The following FCHSD2 variants were observed in gnomAD, a reference collection of about 807,000 sequenced individuals.
The protein encoded by FCHSD2 is F-BAR and double SH3 domains protein 2.
In FCHSD2, 38 loss-of-function variants were observed where a neutral mutation model predicts 108.1. That is an observed-to-expected ratio of 0.35 (90% CI 0.27 to 0.46). The LOEUF (loss-of-function observed/expected upper bound fraction) is 0.46, where lower values mean the gene tolerates loss of function less well. Ranked by LOEUF, FCHSD2 falls within the 20% of genes least tolerant of loss-of-function variation. The pLI is 1.00. For synonymous variants in FCHSD2, 279 were observed against 314.7 expected (o/e 0.89, Z 1.20); for missense variants, 751 against 897.8 (o/e 0.84, Z 2.09).
chr11:72,873,584 A>G (rs1285740108), intron 12 of FCHSD2, among the ~76,000 whole-genome samples: 1 of 151,994 alleles, frequency 6.6e-6, no homozygotes, highest in Non-Finnish European at 1.5e-5. Context: ...TTAAATTTTG[A>G]TGATGTCTAA....
intron 13 of FCHSD2, among the ~76,000 whole-genome samples, chr11:72,850,479 G>T (rs533398139): frequency 6.6e-6 from 1 of 151,428 alleles, no homozygotes; most frequent in East Asian, 2.0e-4. Context: ...TCAGCCTCCC[G>T]AGTAGCTGGG....
chr11:73,071,904 A>AAT (rs1859446418), intron 3 of FCHSD2, among the ~76,000 whole-genome samples: 1 of 152,150 alleles, frequency 6.6e-6, no homozygotes, highest in African/African-American at 2.4e-5. Flanking sequence ...ACATGATCTT[A>AAT]ATATATGTTC....
intron 3 of FCHSD2, among the ~76,000 whole-genome samples, chr11:73,028,840 G>A (rs141734054): frequency 2.6e-5 from 4 of 152,174 alleles, no homozygotes; most frequent in East Asian, 3.9e-4. Flanking sequence ...TTCCCCTTTC[G>A]TTCTCTCCGT....
chr11:73,140,205 T>A, intron 1 of FCHSD2, 77 bp from the exon 2 acceptor site: 2 of 701,530 alleles, frequency 2.9e-6, no homozygotes, highest in Non-Finnish European at 4.8e-6. Flanking sequence ...AATACATCTG[T>A]CAGAATATGT....
At chr11:73,038,787 C>T (rs1303460344) in intron 3 of FCHSD2, among the ~76,000 whole-genome samples, 1 of 152,106 alleles carries the variant, frequency 6.6e-6, no homozygotes, top group Non-Finnish European at 1.5e-5. Context: ...CAAACCTCGG[C>T]ATCATGCAAT....
Position 73,068,123 on chromosome 11 carries a change from C to A in FCHSD2, c.165+15572G>T, listed in dbSNP as rs531376554. ...CAGTTAACTCCCACCAGGTCCCTCGCACAACACATGGGAATTATGGGAACT... is the reference window on the plus strand; with the variant it reads ...CAGTTAACTCCCACCAGGTCCCTCGAACAACACATGGGAATTATGGGAACT... On this transcript the variant is annotated intron_variant, in intron 3 of 19. Transcript: ENST00000409418. 3.3e-5 allele frequency among the ~76,000 whole-genome samples: 5 copies of A among 152,150 alleles called. 1 individual carries two copies. Among genetic ancestry groups the A allele is most frequent in the African/African-American group, 1.2e-4 (5 of 41,490 alleles).
intron 3 of FCHSD2, among the ~76,000 whole-genome samples, chr11:73,073,048 T>C (rs1176486950): frequency 2.0e-5 from 3 of 152,234 alleles, no homozygotes; most frequent in African/African-American, 7.2e-5. Context: ...AGTAACCTTC[T>C]GTATCCTTCC....
intron 3 of FCHSD2, among the ~76,000 whole-genome samples, chr11:73,080,866 C>A (rs946733393): frequency 4.6e-5 from 7 of 152,002 alleles, no homozygotes; most frequent in African/African-American, 1.5e-4. Flanking sequence ...ATCACTTGAA[C>A]CCAGGAGGCG....
At chr11:73,000,231 T>C (rs1857600197) in intron 5 of FCHSD2, among the ~76,000 whole-genome samples, 1 of 152,210 alleles carries the variant, frequency 6.6e-6, no homozygotes, top group South Asian at 2.1e-4. Flanking sequence ...TAAAATATTA[T>C]TTCCCGAAAT....
intron 8 of FCHSD2, among the ~76,000 whole-genome samples, chr11:72,978,615 T>C (rs1411741561): frequency 2.6e-5 from 4 of 152,162 alleles, no homozygotes; most frequent in African/African-American, 4.8e-5. Context: ...GACTGGATTA[T>C]AGGAGCGATT....
intron 3 of FCHSD2, among the ~76,000 whole-genome samples, chr11:73,075,448 A>T (rs571536265): frequency 2.0e-5 from 3 of 152,376 alleles, no homozygotes; most frequent in East Asian, 3.9e-4. Flanking sequence ...TTGCTAGGAC[A>T]TTACTAGAAC....
intron 8 of FCHSD2, among the ~76,000 whole-genome samples, chr11:72,979,315 CA>C (rs1374654532): frequency 6.6e-6 from 1 of 151,986 alleles, no homozygotes; most frequent in East Asian, 1.9e-4. Context: ...AGAAGTCTCC[CA>C]AAAAGTACAA....
intron 13 of FCHSD2, among the ~76,000 whole-genome samples, chr11:72,855,973 T>A (rs1274599187): frequency 1.3e-5 from 2 of 152,198 alleles, no homozygotes; most frequent in Non-Finnish European, 2.9e-5. Flanking sequence ...CTCAAATATT[T>A]GTTTCTTGCC....
intron 14 of FCHSD2, among the ~76,000 whole-genome samples, chr11:72,845,323 A>C (rs1188657064): frequency 2.0e-5 from 3 of 150,230 alleles, no homozygotes; most frequent in Non-Finnish European, 3.0e-5. Flanking sequence ...TGGGAGGCTG[A>C]GGTGGGAGGA....
rs921872799 is a variant in FCHSD2, at chr11:73,065,536, G to C, written c.165+18159C>G. 9.9e-5 allele frequency among the ~76,000 whole-genome samples: 15 copies of C among 152,236 alleles called. No homozygotes were observed. The South Asian group carries it at 1.4e-3, about 15-fold the overall frequency. On this transcript the variant is annotated intron_variant, in intron 3 of 19. Coordinates refer to ENST00000409418, the MANE Select transcript of FCHSD2 (RefSeq NM_014824.3). ...ATCAAGAAAGAGAAAGAAATAAAAGGTATTCAAATAGGAAGAGAGGAAGTC... is the reference window on the plus strand; with the variant it reads ...ATCAAGAAAGAGAAAGAAATAAAAGCTATTCAAATAGGAAGAGAGGAAGTC...
chr11:73,084,834 G>A (rs1351673734), intron 2 of FCHSD2, among the ~76,000 whole-genome samples: 1 of 152,092 alleles, frequency 6.6e-6, no homozygotes, highest in East Asian at 1.9e-4. Flanking sequence ...TCAACAAAAT[G>A]TGGTACTACT....
chr11:72,961,307 T>A (rs552216337), intron 8 of FCHSD2, among the ~76,000 whole-genome samples: 1 of 152,288 alleles, frequency 6.6e-6, no homozygotes, highest in South Asian at 2.1e-4. Flanking sequence ...CACTATAGCC[T>A]CGAACTCCTG....
At chr11:73,106,918 C>T (rs947361578) in intron 2 of FCHSD2, among the ~76,000 whole-genome samples, 1 of 152,074 alleles carries the variant, frequency 6.6e-6, no homozygotes, top group Non-Finnish European at 1.5e-5. Flanking sequence ...CAGAATATAT[C>T]CCTGACATTA....
chr11:72,868,354 G>A (rs948704235), intron 12 of FCHSD2, among the ~76,000 whole-genome samples: 2 of 152,146 alleles, frequency 1.3e-5, no homozygotes, highest in Non-Finnish European at 2.9e-5. Context: ...GCCTGTCAGA[G>A]GGCGATGGGT....
Sources: allele counts gnomAD v4.1 joint callset (sites outside exome capture counted in the v4.1 genomes callset), GRCh38; gene constraint gnomAD v4.1.1; transcripts MANE v1.5; gene names NCBI Gene and HGNC (gene_info 2026-07-23, HGNC 2026-07-21).